The following MPPED1 variants were observed in gnomAD, a reference collection of about 807,000 sequenced individuals.
MPPED1 encodes metallophosphoesterase domain-containing protein 1.
MPPED1 carries 16 observed loss-of-function variants against 36.2 expected under a neutral mutation model. The observed-to-expected ratio is 0.44, with a 90% confidence interval of 0.30 to 0.67. The LOEUF is 0.67. Ranked by LOEUF, MPPED1 falls within the 30% of genes least tolerant of loss-of-function variation. The pLI is 0.10. For missense variants in MPPED1, 307 were observed against 453.4 expected (o/e 0.68, Z 2.93); for synonymous variants, 199 against 191.3 (o/e 1.04, Z -0.33).
intron 5 of MPPED1, among the ~76,000 whole-genome samples, chr22:43,500,083 TGATGGCGATGGA>T: frequency 8.8e-6 from 1 of 113,754 alleles, no homozygotes. Flanking sequence ...GAGGTGGTGG[TGATGGCGATGGA>T]GGTGGTAGTG....
intron 3 of MPPED1, among the ~76,000 whole-genome samples, chr22:43,457,109 T>G (rs1930781800): frequency 1.3e-5 from 2 of 152,250 alleles, no homozygotes; most frequent in Non-Finnish European, 2.9e-5. Flanking sequence ...GGTTTTGGTA[T>G]CAAAGCCTCC....
intron 4 of MPPED1, among the ~76,000 whole-genome samples, chr22:43,493,648 G>C (rs1004387666): frequency 6.6e-6 from 1 of 152,212 alleles, no homozygotes; most frequent in Non-Finnish European, 1.5e-5. Context: ...CTCTTTCACG[G>C]GGTTCTTGTA....
At chr22:43,479,793 A>G (rs780346066) in intron 4 of MPPED1, among the ~76,000 whole-genome samples, 10 of 152,218 alleles carry the variant, frequency 6.6e-5, no homozygotes, top group African/African-American at 1.7e-4. Context: ...AAAAGCAAAC[A>G]TATGGTTATA....
chr22:43,413,042 A>T (rs887099389), intron 1 of MPPED1, among the ~76,000 whole-genome samples: 21 of 151,556 alleles, frequency 1.4e-4, no homozygotes, highest in South Asian at 6.3e-4. Context: ...AGGAGGCTCC[A>T]CTCCGGAACT....
intron 1 of MPPED1, among the ~76,000 whole-genome samples, chr22:43,414,276 C>T (rs1929003165): frequency 6.6e-6 from 1 of 152,168 alleles, no homozygotes; most frequent in Non-Finnish European, 1.5e-5. Flanking sequence ...TTGAACTTTG[C>T]TACCTTCCCA....
chr22:43,419,534 G>A (rs945851358), intron 1 of MPPED1, among the ~76,000 whole-genome samples: 2 of 151,920 alleles, frequency 1.3e-5, no homozygotes, highest in African/African-American at 4.8e-5. Flanking sequence ...AGAAGTGGGA[G>A]TGGGGCTGGG....
At chr22:43,451,434 G>C (rs779563048) in intron 3 of MPPED1, among the ~76,000 whole-genome samples, 3 of 152,240 alleles carry the variant, frequency 2.0e-5, no homozygotes, top group Non-Finnish European at 2.9e-5. Flanking sequence ...TTTAAAAAGT[G>C]TATAGGTTTG....
At chr22:43,438,679 G>C (rs781369616) in intron 3 of MPPED1, among the ~76,000 whole-genome samples, 12 of 151,782 alleles carry the variant, frequency 7.9e-5, no homozygotes, top group Non-Finnish European at 8.8e-5. Flanking sequence ...CTCTCTCTCT[G>C]TGTCTGATTT....
intron 3 of MPPED1, among the ~76,000 whole-genome samples, chr22:43,469,631 C>T (rs1478339302): frequency 4.6e-5 from 7 of 152,144 alleles, no homozygotes; most frequent in African/African-American, 1.7e-4. Flanking sequence ...TACCCACCTG[C>T]AAGAGAGCAT....
intron 3 of MPPED1, among the ~76,000 whole-genome samples, chr22:43,472,336 T>C (rs1472912747): frequency 2.0e-5 from 3 of 152,150 alleles, no homozygotes; most frequent in South Asian, 2.1e-4. Flanking sequence ...AGCTCTTTGG[T>C]TTTTTTGAAC....
At position 43,412,058 on chromosome 22, in the gene MPPED1, G is replaced by A; in HGVS notation, c.-179G>A. 1.0e-6 allele frequency: 1 copy of A among 979,328 alleles called. No individual in the cohort carries two copies. Among genetic ancestry groups the A allele is most frequent in the Non-Finnish European group, 1.2e-6 (1 of 827,466 alleles). 60.7% of individuals were successfully genotyped at this position (979,328 alleles called of 1,614,324 possible). ...CGGCGAGGCGGCCGCCGCCGGAGGA[G>A]CCCCCGCCCCTGCGCGCCTCCCTCC... On this transcript the variant is annotated 5_prime_UTR_variant, in exon 1 of 7. Coordinates refer to ENST00000443721, the MANE Select transcript of MPPED1 (RefSeq NM_001044370.2).
rs371680388 is a variant in MPPED1 at position 43,418,805 on chromosome 22, G to A, written c.-78-6103G>A. The A allele has an allele frequency of 9.7e-4, 148 of 152,722 alleles. 1 individual carries two copies. The highest frequency in any genetic ancestry group is 3.4e-3 in the African/African-American group (141 of 41,552). The allele number at this position is 152,722 out of a possible 1,614,324, so 9.5% of individuals were successfully genotyped here. A position where few individuals can be genotyped will look rare whatever the true frequency, so the allele number is the denominator to read the frequency against. On this transcript the variant is annotated intron_variant, in intron 1 of 6. Transcript: ENST00000443721. ...ATTTGCCTAGAAAAACGTGTCAAGG[G>A]TGGGTTGTAGTGGACGTGTCCAGCC...
At chr22:43,477,438 C>A (rs550248268) in intron 4 of MPPED1, among the ~76,000 whole-genome samples, 4 of 152,178 alleles carry the variant, frequency 2.6e-5, no homozygotes, top group Non-Finnish European at 4.4e-5. Flanking sequence ...TGTGGTGCCA[C>A]GGAATGGATG....
chr22:43,424,528 C>T (rs1929388837), intron 1 of MPPED1, among the ~76,000 whole-genome samples: 1 of 152,078 alleles, frequency 6.6e-6, no homozygotes, highest in Non-Finnish European at 1.5e-5. Context: ...AAACTTAACT[C>T]ACCTGTTTAC....
In MPPED1 at chr22:43,435,133, G is replaced by T. The variant is rs35397052; in HGVS notation, c.324G>T (p.Pro108=). Residue 108 remains proline (P), a synonymous_variant, in exon 3 of 7, where the codon CCG becomes CCT. Transcript: ENST00000443721. ...CGAGGACGGACCCCATCCAGATGCC[G>T]TACGGCGACGTGCTGATCCACGCTG... ...THSRTDPIQM[P]YGDVLIHAGD... The T allele has an allele frequency of 6.2e-7, 1 of 1,613,758 alleles. No individual in the cohort carries two copies.
intron 4 of MPPED1, among the ~76,000 whole-genome samples, chr22:43,490,827 C>T (rs1044588010): frequency 1.3e-5 from 2 of 152,226 alleles, no homozygotes; most frequent in African/African-American, 4.8e-5. Flanking sequence ...TACCCATTCC[C>T]CCTACCTGCC....
chr22:43,477,539 C>T (rs529388877), intron 4 of MPPED1, among the ~76,000 whole-genome samples: 1 of 152,330 alleles, frequency 6.6e-6, no homozygotes, highest in Admixed American at 6.5e-5. Flanking sequence ...CCTGGGCTGC[C>T]CTGGTTGGTG....
chr22:43,444,695 TC>T (rs761549347), intron 3 of MPPED1, among the ~76,000 whole-genome samples: 1 of 151,926 alleles, frequency 6.6e-6, no homozygotes, highest in Non-Finnish European at 1.5e-5. Context: ...AAGACCATTA[TC>T]CTAAGTATCT....
intron 4 of MPPED1, among the ~76,000 whole-genome samples, chr22:43,491,947 A>G (rs926163599): frequency 4.3e-4 from 36 of 84,090 alleles, no homozygotes; most frequent in African/African-American, 1.7e-3. Context: ...GTCATGATGG[A>G]GGCGGTGGTG....
Sources: gnomAD v4.1 joint callset for allele counts (sites outside exome capture counted in the v4.1 genomes callset) on GRCh38, gnomAD v4.1.1 for gene constraint, MANE v1.5 for transcripts, NCBI Gene and HGNC (gene_info 2026-07-23, HGNC 2026-07-21) for gene names.